COL1A2: variants seen among roughly 807,000 people sequenced by gnomAD.
The protein encoded by COL1A2 is collagen type I alpha 2 chain.
COL1A2 carries 49 observed loss-of-function variants against 174.3 expected under a neutral mutation model. That is an observed-to-expected ratio of 0.28 (90% confidence interval 0.22 to 0.36). The LOEUF is 0.36. Ranked by LOEUF, COL1A2 falls within the 10% of genes least tolerant of loss-of-function variation. The pLI, the probability that COL1A2 is intolerant of heterozygous loss-of-function variation, is 1.00. For missense variants in COL1A2, 1,438 were observed against 1,822.7 expected (o/e 0.79, Z 3.84); for synonymous variants, 655 against 606.6 (o/e 1.08, Z -1.17).
chr7:94,423,220 A>G, intron 40 of COL1A2, 102 bp downstream of exon 40: 2 of 1,377,188 alleles, frequency 1.5e-6, no homozygotes, highest in Non-Finnish European at 2.1e-6. Flanking sequence ...TGAGTATTGC[A>G]GGCTCTCAAG....
In COL1A2 at chr7:94,410,294, C is replaced by T; in HGVS notation, c.1088C>T (p.Pro363Leu). Residue 363 changes from proline to leucine, a missense_variant and splice_region_variant, in exon 20 of 52, where the codon CCC (proline) becomes CTC (leucine). Pro to Leu is a moderately conservative substitution (Grantham distance 98). This residue lies in a region of COL1A2 where 867 missense variants were observed against 1,213.7 expected (regional missense o/e 0.71). Coordinates refer to ENST00000297268, the MANE Select transcript of COL1A2 (RefSeq NM_000089.4). ...SKGESGNKGE[P>L]GSAGPQGPPG... Reference sequence around the variant, plus strand: ...GGAGAGAGCGGTAACAAGGGTGAGCCCGTAAGTAGCTCTATCATCACACTT... The same window carrying T: ...GGAGAGAGCGGTAACAAGGGTGAGCTCGTAAGTAGCTCTATCATCACACTT... 1 of 1,613,922 alleles carries T rather than the reference C, an allele frequency of 6.2e-7. No homozygotes were observed. Among genetic ancestry groups the T allele is most frequent in the Admixed American group, 1.7e-5 (1 of 60,006 alleles).
intron 1 of COL1A2, 105 bp from the exon 2 acceptor site, chr7:94,397,643 G>T: frequency 4.6e-6 from 3 of 645,580 alleles, no homozygotes; most frequent in Admixed American, 2.7e-5. Context: ...CCTTAATTAG[G>T]TAATTCAATT....
chr7:94,425,160 G>A lies in COL1A2; in HGVS notation c.2717G>A (p.Arg906His), dbSNP rs147063981. The change falls in exon 42 of 52, where the codon CGT (arginine) becomes CAT (histidine). Residue 906 changes from arginine (R) to histidine (H), a missense_variant. Physicochemically the swap from Arg to His is conservative, Grantham distance 29. This residue lies in a region of COL1A2 where 867 missense variants were observed against 1,213.7 expected (regional missense o/e 0.71). Coordinates refer to ENST00000297268, the MANE Select transcript of COL1A2 (RefSeq NM_000089.4). ...GGCATTGCCGGCCCTCCTGGGGCCC[G>A]TGGTCCTCCTGGTGCTGTGGGTAGT... Reference protein sequence around the residue: ...PLGIAGPPGARGPPGAVGSPG... With the variant: ...PLGIAGPPGAHGPPGAVGSPG... The A allele has an allele frequency of 1.4e-4, 229 of 1,614,068 alleles. 1 individual carries two copies. The highest frequency in any genetic ancestry group is 2.9e-4 in the East Asian group (13 of 44,866).
intron 6 of COL1A2, 75 bp downstream of exon 6, chr7:94,401,695 C>A: frequency 9.1e-7 from 1 of 1,102,706 alleles, no homozygotes; most frequent in Non-Finnish European, 1.4e-6. Flanking sequence ...TTTACCACGC[C>A]ATTTATTTAG....
chr7:94,412,125 A>C lies in COL1A2; in HGVS notation c.1404+4A>C, dbSNP rs369907691. 30 of 1,611,540 alleles carry C rather than the reference A, an allele frequency of 1.9e-5. No homozygotes were observed. The highest frequency in any genetic ancestry group is 1.6e-4 in the Middle Eastern group (1 of 6,082). On this transcript the variant is annotated splice_donor_region_variant and intron_variant, in intron 24 of 51. Transcript: ENST00000297268. ...CGCTGGAAAAGAAGGTCCTGTCGTAAGTATTGCTCATTTTCCATTATATTT... is the reference window on the plus strand; with the variant it reads ...CGCTGGAAAAGAAGGTCCTGTCGTACGTATTGCTCATTTTCCATTATATTT...
chr7:94,429,530 A>G (rs1283415096), intron 51 of COL1A2, 100 bp downstream of exon 51: 7 of 1,298,718 alleles, frequency 5.4e-6, no homozygotes, highest in Non-Finnish European at 7.7e-6. Context: ...GGGTTAAAAG[A>G]ACAGAAGAAT....
In COL1A2 at chr7:94,397,754, A is replaced by C; in HGVS notation, c.77A>C (p.Gln26Pro). 1 of 1,318,794 alleles carries C rather than the reference A, an allele frequency of 7.6e-7. No homozygotes were observed. Among genetic ancestry groups the C allele is most frequent in the South Asian group, 1.2e-5 (1 of 81,668 alleles). 81.7% of individuals were successfully genotyped at this position (1,318,794 alleles called of 1,614,324 possible). Residue 26 changes from glutamine to proline, a missense_variant, in exon 2 of 52, where the codon CAA (glutamine) becomes CCA (proline). Physicochemically the swap from Gln to Pro is moderately conservative, Grantham distance 76. Around this residue, in one of 3 missense-constraint regions of COL1A2, gnomAD observed 281 missense variants for 310.9 expected, o/e 0.90. Transcript: ENST00000297268. ...TTCTTTTTTTTTTCTACAGCTTTAC[A>C]AGAGGTGAGTAAAACTTTTTTTAGA... ...TLCLATCQSL[Q>P]EETVRKGPAG... is the part of the protein sequence containing the mutation.
At chr7:94,395,449 C>T in intron 1 of COL1A2, 3 of 367,924 alleles carry the variant, frequency 8.2e-6, no homozygotes, top group South Asian at 6.4e-5. Context: ...AGGGCCTGCA[C>T]CCCACAGGCC....
chr7:94,417,572 T>G, intron 31 of COL1A2, 152 bp from the exon 32 acceptor site: 1 of 685,988 alleles, frequency 1.5e-6, no homozygotes, highest in South Asian at 1.6e-5. Context: ...TCTGCTATAT[T>G]CTCCCTCCTT....
intron 20 of COL1A2, 55 bp from the exon 21 acceptor site, chr7:94,410,365 A>T: frequency 6.3e-7 from 1 of 1,586,230 alleles, no homozygotes; most frequent in Non-Finnish European, 8.6e-7. Flanking sequence ...CCAGCTGGAC[A>T]TAGTATTAAA....
rs1792134887 is a variant in COL1A2 at position 94,420,453 on chromosome 7, C to A, written c.2187+9C>A. ...GATTTGCTGGTCCTGCTGTGAGTAT[C>A]ACATAATGAAGATTAATCTGAAAAC... is the stretch of plus-strand genomic sequence containing the variant. On this transcript the variant is annotated intron_variant, in intron 36 of 51. Transcript: ENST00000297268. 1.2e-6 allele frequency: 2 copies of A among 1,613,994 alleles called. No homozygotes were observed. Among genetic ancestry groups the A allele is most frequent in the Admixed American group, 1.7e-5 (1 of 59,998 alleles).
In COL1A2 at chr7:94,404,596, C is replaced by A; in HGVS notation, c.320C>A (p.Ala107Asp). 1 of 1,613,872 alleles carries A rather than the reference C, an allele frequency of 6.2e-7. No homozygotes were observed. The highest frequency in any genetic ancestry group is 8.5e-7 in the Non-Finnish European group (1 of 1,179,968). ...GPRGPPGAAG[A>D]PGPQGFQGPA... ...AGAGGCCCACCTGGTGCAGCTGGAG[C>A]CCCAGTAAGTACTGAAAGCTTGTAA... The change falls in exon 7 of 52, where the codon GCC becomes GAC. Residue 107 changes from alanine (A) to aspartate (D), a missense_variant. Around this residue, in one of 3 missense-constraint regions of COL1A2, gnomAD observed 281 missense variants for 310.9 expected, o/e 0.90. Transcript: ENST00000297268.
Position 94,395,053 on chromosome 7 carries a change from C to T in COL1A2, c.22C>T (p.Arg8Trp). The T allele has an allele frequency of 1.9e-6, 3 of 1,614,004 alleles. No homozygotes were observed. The highest frequency in any genetic ancestry group is 2.5e-6 in the Non-Finnish European group (3 of 1,180,006). The stretch of plus-strand genomic sequence containing the variant: ...AGACATGCTCAGCTTTGTGGATACG[C>T]GGACTTTGTTGCTGCTTGCAGTAAC... MLSFVDT[R>W]TLLLLAVTLC... The change falls in exon 1 of 52, where the codon CGG (arginine) becomes TGG (tryptophan). Residue 8 changes from arginine (R) to tryptophan (W), a missense_variant. Coordinates refer to ENST00000297268, the MANE Select transcript of COL1A2 (RefSeq NM_000089.4).
In COL1A2 at chr7:94,412,577, C is replaced by T. The variant is rs1729198790; in HGVS notation, c.1405-7C>T. Reference sequence around the variant, plus strand: ...ACTGAGTAAACTTGAAATAACTCTGCTTTCAGGGCCTCCCTGGCATCGACG... The same window carrying T: ...ACTGAGTAAACTTGAAATAACTCTGTTTTCAGGGCCTCCCTGGCATCGACG... On this transcript the variant is annotated splice_polypyrimidine_tract_variant and splice_region_variant and intron_variant, in intron 24 of 51. Transcript: ENST00000297268. The T allele has an allele frequency of 1.2e-6, 2 of 1,611,772 alleles. No homozygotes were observed. Among genetic ancestry groups the T allele is most frequent in the African/African-American group, 2.7e-5 (2 of 74,984 alleles).
intron 12 of COL1A2, 127 bp from the exon 13 acceptor site, chr7:94,407,720 C>T (rs1791830983): frequency 2.5e-6 from 2 of 792,134 alleles, no homozygotes; most frequent in South Asian, 3.4e-5. Flanking sequence ...GAAAAACAAT[C>T]TATATGTGTA....
In COL1A2 at chr7:94,417,810, A is replaced by G; in HGVS notation, c.1950A>G (p.Ile650Met). 1 of 1,601,540 alleles carries G rather than the reference A, an allele frequency of 6.2e-7. No homozygotes were observed. The highest frequency in any genetic ancestry group is 8.5e-7 in the Non-Finnish European group (1 of 1,173,846). ...GLPGERGAAG[I>M]PGGKGEKGEP... ...CAGGAGAGAGGGGTGCTGCTGGCAT[A>G]CCTGGAGGCAAGGGAGAAAAGGTAC... Residue 650 changes from isoleucine to methionine, a missense_variant, in exon 32 of 52, where the codon ATA becomes ATG. This residue lies in a region of COL1A2 where 867 missense variants were observed against 1,213.7 expected (regional missense o/e 0.71). Coordinates refer to ENST00000297268, the MANE Select transcript of COL1A2 (RefSeq NM_000089.4).
intron 51 of COL1A2, chr7:94,429,847 CT>C: frequency 4.0e-6 from 1 of 250,190 alleles, no homozygotes; most frequent in South Asian, 6.1e-5. Flanking sequence ...ACTTTTAATG[CT>C]TTTTCTACAA....
In COL1A2 at chr7:94,421,080, A is replaced by ACT. The variant is rs1426111958; in HGVS notation, c.2349+22_2349+23dup. 2.5e-6 allele frequency: 4 copies of ACT among 1,613,292 alleles called. No individual in the cohort carries two copies. The Admixed American group carries it at 5.0e-5, about 20-fold the overall frequency. On this transcript the variant is annotated intron_variant, in intron 38 of 51. Transcript: ENST00000297268. ...GCCCCCCTGTGAGTATTTACAATGG[A>ACT]CTCTCGCCGCTTTTCTTTTTTCAGA...
At chr7:94,414,184 G>A (rs945763671) in intron 28 of COL1A2, 38 bp from the exon 29 acceptor site, 3 of 1,609,132 alleles carry the variant, frequency 1.9e-6, no homozygotes, top group African/African-American at 2.7e-5. Context: ...CCTGAACGTA[G>A]CCATGGGATT....
Sources: allele counts gnomAD v4.1 joint callset, GRCh38; gene constraint gnomAD v4.1.1; regional missense constraint gnomAD v4.1.1; transcripts MANE v1.5; gene names NCBI Gene and HGNC (gene_info 2026-07-23, HGNC 2026-07-21).